LDB2: variants seen among roughly 807,000 people sequenced by gnomAD.
The protein encoded by LDB2 is LIM domain-binding protein 2.
A neutral mutation model predicts 44.3 loss-of-function variants in LDB2; 12 were observed. The observed-to-expected ratio is 0.27, with a 90% CI of 0.17 to 0.44. LDB2 has a LOEUF of 0.44. Ranked by LOEUF, LDB2 falls within the 20% of genes least tolerant of loss-of-function variation. The pLI is 1.00. For missense variants in LDB2, 344 were observed against 473.5 expected, an observed-to-expected ratio of 0.73 and a Z score of 2.54; for synonymous variants, 164 against 174.8, an observed-to-expected ratio of 0.94 and a Z score of 0.49.
chr4:16,624,142 CAAGA>C (rs1729642892), intron 2 of LDB2, among the ~76,000 whole-genome samples: 1 of 152,160 alleles, frequency 6.6e-6, no homozygotes, highest in Non-Finnish European at 1.5e-5. Flanking sequence ...TTGTCATACA[CAAGA>C]AAGAAGTAAC....
At chr4:16,887,032 C>CAAAAAAAAA (rs371783496) in intron 1 of LDB2, among the ~76,000 whole-genome samples, 2 of 50,460 alleles carry the variant, frequency 4.0e-5, no homozygotes, top group African/African-American at 6.7e-5. Context: ...AACTCCGTCT[C>CAAAAAAAAA]AAAAAAAAAA....
rs1762448415 is a variant in LDB2, at chr4:16,739,128, C to T, written c.235+20030G>A. Among the ~76,000 whole-genome samples the T allele has an allele frequency of 2.0e-5, 3 of 152,056 alleles. No individual in the cohort carries two copies. The South Asian group carries it at 6.2e-4, about 32-fold the overall frequency. Reference sequence around the variant, plus strand: ...AATTAAACCAATCTAAGGCGCCCCCCAAATCATCTTCCTTTAAAATCTTGA... The same window carrying T: ...AATTAAACCAATCTAAGGCGCCCCCTAAATCATCTTCCTTTAAAATCTTGA... On this transcript the variant is annotated intron_variant, in intron 2 of 7. Coordinates refer to ENST00000304523, the MANE Select transcript of LDB2 (RefSeq NM_001290.5).
At chr4:16,684,460 C>T (rs1049969335) in intron 2 of LDB2, among the ~76,000 whole-genome samples, 1 of 152,144 alleles carries the variant, frequency 6.6e-6, no homozygotes, top group Non-Finnish European at 1.5e-5. Context: ...GAATTCCAAT[C>T]GTCAAGAATT....
intron 5 of LDB2, among the ~76,000 whole-genome samples, chr4:16,553,178 G>C (rs1738265697): frequency 6.6e-6 from 1 of 152,044 alleles, no homozygotes; most frequent in African/African-American, 2.4e-5. Context: ...TTTGAGACAG[G>C]GTACCTTGCT....
At chr4:16,847,979 T>C (rs149137972) in intron 1 of LDB2, among the ~76,000 whole-genome samples, 85 of 152,288 alleles carry the variant, frequency 5.6e-4, no homozygotes, top group Non-Finnish European at 1.0e-3. Flanking sequence ...AAGCCAAATA[T>C]AAATGTAAAA....
At chr4:16,611,109 C>G (rs1560625858) in intron 2 of LDB2, among the ~76,000 whole-genome samples, 1 of 152,128 alleles carries the variant, frequency 6.6e-6, no homozygotes, top group Non-Finnish European at 1.5e-5. Flanking sequence ...CATCTCCAGC[C>G]AAACTAAACT....
chr4:16,532,265 A>G (rs377625224), intron 5 of LDB2, among the ~76,000 whole-genome samples: 2 of 152,242 alleles, frequency 1.3e-5, no homozygotes, highest in East Asian at 3.9e-4. Context: ...ACCCTTCCAT[A>G]TTTCCTTACC....
intron 1 of LDB2, among the ~76,000 whole-genome samples, chr4:16,795,371 T>A (rs1776542579): frequency 6.6e-6 from 1 of 152,158 alleles, no homozygotes; most frequent in Non-Finnish European, 1.5e-5. Flanking sequence ...AAGGATGCGC[T>A]CACTGCCAGG....
At position 16,755,538 on chromosome 4, in the gene LDB2, AGAGACAGACAGACAGAGAGAGAG is replaced by A. The variant is rs1561114822; in HGVS notation, c.235+3597_235+3619del. 8.0e-4 allele frequency among the ~76,000 whole-genome samples: 25 copies of A among 31,250 alleles called. 1 individual carries two copies. The highest frequency in any genetic ancestry group is 3.1e-3 in the Admixed American group (9 of 2,902). 20.5% of individuals were successfully genotyped at this position (31,250 alleles called of 152,430 possible). ...GTGTGTGTGTGTATGTGAGAGAGAG[AGAGACAGACAGACAGAGAGAGAG>A]AGAGAGCAAGCTGGCTTTGGAATCA... On this transcript the variant is annotated intron_variant, in intron 2 of 7. Coordinates refer to ENST00000304523, the MANE Select transcript of LDB2 (RefSeq NM_001290.5).
chr4:16,705,809 T>A (rs1754478494), intron 2 of LDB2, among the ~76,000 whole-genome samples: 1 of 152,166 alleles, frequency 6.6e-6, no homozygotes, highest in African/African-American at 2.4e-5. Flanking sequence ...TAGTGAGTAA[T>A]ATTTAATGGT....
At chr4:16,809,669 T>C (rs1265645850) in intron 1 of LDB2, among the ~76,000 whole-genome samples, 3 of 152,160 alleles carry the variant, frequency 2.0e-5, no homozygotes, top group Non-Finnish European at 1.5e-5. Context: ...CTAAACCATG[T>C]TGGTTCCCTT....
At chr4:16,789,483 C>T (rs1046139212) in intron 1 of LDB2, among the ~76,000 whole-genome samples, 6 of 152,282 alleles carry the variant, frequency 3.9e-5, no homozygotes, top group East Asian at 3.9e-4. Context: ...GTAAAGTGAA[C>T]GGGACCATCT....
chr4:16,544,342 G>C (rs1342856136), intron 5 of LDB2, among the ~76,000 whole-genome samples: 1 of 152,198 alleles, frequency 6.6e-6, no homozygotes, highest in East Asian at 1.9e-4. Flanking sequence ...CAGCTGGCTT[G>C]GGGGAGTGAT....
In LDB2 at chr4:16,533,510, A is replaced by G. The variant is rs1455010684; in HGVS notation, c.616-21406T>C. On this transcript the variant is annotated intron_variant, in intron 5 of 7. Coordinates refer to ENST00000304523, the MANE Select transcript of LDB2 (RefSeq NM_001290.5). This position sits in a 1 kb window ranked among gnomAD's most constrained non-coding sequence, Gnocchi z 4.1. ...GTGGGTCCTAAAAAAGCAATGACAA[A>G]TGACACAATGAAATTGTATCCTGGA... is the stretch of plus-strand genomic sequence containing the variant. 6.6e-6 allele frequency among the ~76,000 whole-genome samples: 1 copy of G among 152,204 alleles called. No homozygotes were observed. The highest frequency in any genetic ancestry group is 2.4e-5 in the African/African-American group (1 of 41,458).
chr4:16,703,893 G>A (rs1364070487), intron 2 of LDB2, among the ~76,000 whole-genome samples: 1 of 152,124 alleles, frequency 6.6e-6, no homozygotes, highest in Non-Finnish European at 1.5e-5. Flanking sequence ...TTAGTATAGT[G>A]GATGTTTCTT....
At chr4:16,590,162 G>A (rs1560566124) in intron 3 of LDB2, among the ~76,000 whole-genome samples, 1 of 152,092 alleles carries the variant, frequency 6.6e-6, no homozygotes, top group Non-Finnish European at 1.5e-5. Flanking sequence ...GAGGAGCTGG[G>A]CCTCCATCTC....
intron 5 of LDB2, 40 bp downstream of exon 5, chr4:16,585,882 T>C: frequency 6.5e-7 from 1 of 1,536,034 alleles, no homozygotes; most frequent in Non-Finnish European, 9.0e-7. Context: ...GGAGTACTTT[T>C]CAAACTCACC....
intron 2 of LDB2, among the ~76,000 whole-genome samples, chr4:16,705,153 AGTT>A (rs768352986): frequency 3.9e-5 from 6 of 152,110 alleles, no homozygotes; most frequent in Admixed American, 1.3e-4. Flanking sequence ...TAATTTACAA[AGTT>A]GTTGTAAAGA....
chr4:16,850,409 A>G (rs1449567152), intron 1 of LDB2, among the ~76,000 whole-genome samples: 1 of 152,168 alleles, frequency 6.6e-6, no homozygotes, highest in Non-Finnish European at 1.5e-5. Flanking sequence ...TTATAGAAAT[A>G]TTGAGAAGAT....
Sources: allele counts gnomAD v4.1 joint callset (sites outside exome capture counted in the v4.1 genomes callset), GRCh38; gene constraint gnomAD v4.1.1; non-coding constraint Gnocchi (gnomAD v3.1); transcripts MANE v1.5; gene names NCBI Gene and HGNC (gene_info 2026-07-23, HGNC 2026-07-21).